SLC16A10: variants seen among roughly 807,000 people sequenced by gnomAD.
SLC16A10 encodes solute carrier family 16 member 10.
A neutral mutation model predicts 40.0 loss-of-function variants in SLC16A10; 27 were observed. That is an observed-to-expected ratio of 0.67 (90% CI 0.50 to 0.93). SLC16A10 has a LOEUF of 0.93. SLC16A10 is among the 40% of genes least tolerant of loss of function. The probability of loss-of-function intolerance (pLI) is 0.00; values close to 1 mark genes in which losing one functional copy is unlikely to be tolerated. For synonymous variants in SLC16A10, 213 were observed against 249.8 expected, an observed-to-expected ratio of 0.85 and a Z score of 1.39; for missense variants, 529 against 658.2, an observed-to-expected ratio of 0.80 and a Z score of 2.15.
chr6:111,114,176 A>G (rs1583309761), intron 1 of SLC16A10, among the ~76,000 whole-genome samples: 2 of 152,054 alleles, frequency 1.3e-5, no homozygotes, highest in East Asian at 1.9e-4. Flanking sequence ...CATTTCCTTT[A>G]GCAAGCATAG....
intron 1 of SLC16A10, among the ~76,000 whole-genome samples, chr6:111,157,536 C>CCT (rs1772293459): frequency 6.6e-6 from 1 of 152,100 alleles, no homozygotes; most frequent in Non-Finnish European, 1.5e-5. Context: ...CCTACCTTGG[C>CCT]CTCCCGAAGT....
At chr6:111,144,934 C>T (rs1772050094) in intron 1 of SLC16A10, among the ~76,000 whole-genome samples, 1 of 152,114 alleles carries the variant, frequency 6.6e-6, no homozygotes, top group Non-Finnish European at 1.5e-5. Flanking sequence ...CTCAAGTGAT[C>T]CTCCAGCCTC....
intron 1 of SLC16A10, among the ~76,000 whole-genome samples, chr6:111,099,875 T>C (rs1583301801): frequency 6.6e-6 from 1 of 151,934 alleles, no homozygotes; most frequent in South Asian, 2.1e-4. Context: ...ATGCAAAAAT[T>C]AGCTGGACGT....
chr6:111,148,247 G>C (rs1272284136), intron 1 of SLC16A10, among the ~76,000 whole-genome samples: 1 of 152,088 alleles, frequency 6.6e-6, no homozygotes, highest in Non-Finnish European at 1.5e-5. Flanking sequence ...ATATAAAAGA[G>C]GATCCAGGTC....
At chr6:111,168,592 T>C (rs1011594562) in intron 1 of SLC16A10, among the ~76,000 whole-genome samples, 6 of 152,220 alleles carry the variant, frequency 3.9e-5, no homozygotes, top group Non-Finnish European at 8.8e-5. Context: ...ATGTTAAAAC[T>C]TGACAAAACT....
At chr6:111,194,313 T>C (rs957165921) in intron 3 of SLC16A10, among the ~76,000 whole-genome samples, 2 of 152,226 alleles carry the variant, frequency 1.3e-5, no homozygotes, top group African/African-American at 4.8e-5. Context: ...TAAGAGACTT[T>C]CTCAGGTCAC....
intron 3 of SLC16A10, among the ~76,000 whole-genome samples, chr6:111,199,256 T>G (rs1773126550): frequency 6.6e-6 from 1 of 152,126 alleles, no homozygotes; most frequent in Admixed American, 6.5e-5. Context: ...GGTCAGGAGT[T>G]TGAGACCAGC....
At chr6:111,183,871 A>G (rs1772847789) in intron 3 of SLC16A10, among the ~76,000 whole-genome samples, 1 of 152,212 alleles carries the variant, frequency 6.6e-6, no homozygotes, top group South Asian at 2.1e-4. Flanking sequence ...GTTTAAGAAT[A>G]GGATGCAGGA....
intron 1 of SLC16A10, among the ~76,000 whole-genome samples, chr6:111,135,247 G>A (rs1319262504): frequency 2.0e-5 from 3 of 152,138 alleles, no homozygotes; most frequent in Admixed American, 2.0e-4. Flanking sequence ...AGCAAAGAAT[G>A]CCCATCTTGT....
chr6:111,100,910 A>G (rs955474985), intron 1 of SLC16A10, among the ~76,000 whole-genome samples: 18 of 149,316 alleles, frequency 1.2e-4, no homozygotes, highest in Non-Finnish European at 1.0e-4. Context: ...GTCTATCAGT[A>G]TAGTAATTGT....
intron 1 of SLC16A10, among the ~76,000 whole-genome samples, chr6:111,123,840 G>C (rs951733885): frequency 1.3e-5 from 2 of 151,796 alleles, no homozygotes; most frequent in Non-Finnish European, 2.9e-5. Context: ...ATATTCATCA[G>C]AAAAAAAAGT....
chr6:111,176,836 T>C (rs943974232), intron 2 of SLC16A10, among the ~76,000 whole-genome samples: 2 of 152,220 alleles, frequency 1.3e-5, no homozygotes, highest in Non-Finnish European at 2.9e-5. Flanking sequence ...AGGTTTTTGG[T>C]TTGTTAATTG....
At chr6:111,158,433 A>C (rs1459195694) in intron 1 of SLC16A10, among the ~76,000 whole-genome samples, 1 of 152,138 alleles carries the variant, frequency 6.6e-6, no homozygotes, top group Non-Finnish European at 1.5e-5. Context: ...TCTATCTCAG[A>C]TCATCAGGCA....
intron 1 of SLC16A10, among the ~76,000 whole-genome samples, chr6:111,158,228 A>G (rs1562416455): frequency 6.6e-6 from 1 of 152,098 alleles, no homozygotes; most frequent in East Asian, 1.9e-4. Flanking sequence ...CCTATTATTA[A>G]TATTTATTTA....
chr6:111,207,953 T>TG (rs1773282265), intron 4 of SLC16A10, among the ~76,000 whole-genome samples: 1 of 151,818 alleles, frequency 6.6e-6, no homozygotes, highest in Admixed American at 6.6e-5. Context: ...TGACATAAAT[T>TG]GGGGTGGCGG....
Position 111,140,481 on chromosome 6 carries a change from G to A in SLC16A10, c.344-32214G>A, listed in dbSNP as rs565988711. 4.0e-5 allele frequency among the ~76,000 whole-genome samples: 6 copies of A among 151,668 alleles called. No individual in the cohort carries two copies. The East Asian group carries it at 9.7e-4, about 25-fold the overall frequency. On this transcript the variant is annotated intron_variant, in intron 1 of 5. Coordinates refer to ENST00000368851, the MANE Select transcript of SLC16A10 (RefSeq NM_018593.5). ...CTGTCTCCAAAAAAAAAAAGAAAAG[G>A]AACAGAATGTTACCAGCCCAACTGC...
At chr6:111,172,925 CA>C (rs1399373870) in intron 2 of SLC16A10, 86 bp downstream of exon 2, 1 of 1,474,568 alleles carries the variant, frequency 6.8e-7, no homozygotes, top group Non-Finnish European at 9.2e-7. Flanking sequence ...TATTTACAAG[CA>C]AAGATCCTCC....
intron 1 of SLC16A10, among the ~76,000 whole-genome samples, chr6:111,135,316 C>T (rs1467303926): frequency 6.6e-6 from 1 of 152,144 alleles, no homozygotes; most frequent in East Asian, 1.9e-4. Flanking sequence ...CCCCCTTAGA[C>T]TGGAGGCCCA....
chr6:111,103,306 C>T (rs1374225125), intron 1 of SLC16A10, among the ~76,000 whole-genome samples: 3 of 152,052 alleles, frequency 2.0e-5, no homozygotes. Flanking sequence ...CCACTTCCAC[C>T]TCCTGGGTTC....
Sources: allele counts gnomAD v4.1 joint callset (sites outside exome capture counted in the v4.1 genomes callset), GRCh38; gene constraint gnomAD v4.1.1; transcripts MANE v1.5; gene names NCBI Gene and HGNC (gene_info 2026-07-23, HGNC 2026-07-21).